The following EPM2A variants were observed in gnomAD, a reference collection of about 807,000 sequenced individuals.
EPM2A encodes the protein laforin.
EPM2A carries 21 observed loss-of-function variants against 26.5 expected under a neutral mutation model. The ratio of observed to expected loss-of-function variants is 0.79; its 90% confidence interval spans 0.56 to 1.14. The LOEUF is 1.14. Ranked by LOEUF, EPM2A falls within the 50% of genes most tolerant of loss-of-function variation. The pLI is 0.00. For synonymous variants in EPM2A, 217 were observed against 177.6 expected, an observed-to-expected ratio of 1.22 and a Z score of -1.76; for missense variants, 458 against 440.8, an observed-to-expected ratio of 1.04 and a Z score of -0.35.
chr6:145,584,082 C>T (rs1328162655), intron 2 of EPM2A, among the ~76,000 whole-genome samples: 1 of 152,180 alleles, frequency 6.6e-6, no homozygotes, highest in Non-Finnish European at 1.5e-5. Flanking sequence ...CACACATGTC[C>T]TATCAGTGAA....
chr6:145,701,141 A>G (rs1461706028), intron 1 of EPM2A, among the ~76,000 whole-genome samples: 1 of 152,354 alleles, frequency 6.6e-6, no homozygotes. Flanking sequence ...CAATTAGATT[A>G]TCCTAAAATT....
intron 1 of EPM2A, among the ~76,000 whole-genome samples, chr6:145,700,245 T>C (rs1781836221): frequency 6.6e-6 from 1 of 152,178 alleles, no homozygotes. Flanking sequence ...ATGTTTATTT[T>C]TGTGTTTAAT....
At chr6:145,392,052 G>A (rs961682656) in intron 4 of EPM2A, among the ~76,000 whole-genome samples, 8 of 152,156 alleles carry the variant, frequency 5.3e-5, no homozygotes, top group African/African-American at 1.9e-4. Flanking sequence ...AACCCTGGTG[G>A]CTTACATGTT....
intron 2 of EPM2A, among the ~76,000 whole-genome samples, chr6:145,559,987 C>T (rs940129337): frequency 3.9e-5 from 6 of 152,026 alleles, no homozygotes; most frequent in Admixed American, 2.0e-4. Flanking sequence ...TACCATAAGC[C>T]GTTGAAGTTG....
At chr6:145,613,056 G>T (rs776738033) in intron 2 of EPM2A, among the ~76,000 whole-genome samples, 106 of 152,200 alleles carry the variant, frequency 7.0e-4, no homozygotes, top group Non-Finnish European at 4.0e-4. Flanking sequence ...TTTACCCAAA[G>T]CAGAACTTAA....
chr6:145,735,214 T>TA lies in EPM2A; in HGVS notation c.284_285insT (p.Glu96ArgfsTer12). 6.5e-7 allele frequency: 1 copy of TA among 1,528,386 alleles called. No homozygotes were observed. The highest frequency in any genetic ancestry group is 8.8e-7 in the Non-Finnish European group (1 of 1,135,826). 94.7% of individuals were successfully genotyped at this position (1,528,386 alleles called of 1,614,324 possible). A position where few individuals can be genotyped will look rare whatever the true frequency, so the allele number is the denominator to read the frequency against. On this transcript the variant is annotated frameshift_variant, in exon 1 of 4. Coordinates refer to ENST00000367519, the MANE Select transcript of EPM2A (RefSeq NM_005670.4). LOFTEE classifies it high-confidence loss of function. Reference sequence around the variant, plus strand: ...TGGCAATACCTTCCCAGGAGAGCTCTCCTCCCGGCTCCCGCTTCAGGAACT... The same window carrying TA: ...TGGCAATACCTTCCCAGGAGAGCTCTACCTCCCGGCTCCCGCTTCAGGAACT...
intron 2 of EPM2A, among the ~76,000 whole-genome samples, chr6:145,676,158 A>G (rs1430452556): frequency 6.6e-6 from 1 of 152,198 alleles, no homozygotes; most frequent in Non-Finnish European, 1.5e-5. Context: ...AAACTGAACA[A>G]CCTGCTCCTG....
Position 145,626,100 on chromosome 6 carries a change from C to T in EPM2A, c.*1316G>A. The T allele has an allele frequency of 9.4e-7, 1 of 1,063,604 alleles. No individual in the cohort carries two copies. The highest frequency in any genetic ancestry group is 1.1e-6 in the Non-Finnish European group (1 of 877,734). 65.9% of individuals were successfully genotyped at this position (1,063,604 alleles called of 1,614,324 possible). ...TAAACTGGATATGATTATATATCACCTTGCACATAGAGGCTCTCAATTAAA... is the reference window on the plus strand; with the variant it reads ...TAAACTGGATATGATTATATATCACTTTGCACATAGAGGCTCTCAATTAAA... On this transcript the variant is annotated 3_prime_UTR_variant, in exon 4 of 4. Coordinates refer to ENST00000367519, the MANE Select transcript of EPM2A (RefSeq NM_005670.4).
At chr6:145,592,542 C>T (rs1044548037) in intron 2 of EPM2A, among the ~76,000 whole-genome samples, 8 of 152,118 alleles carry the variant, frequency 5.3e-5, no homozygotes, top group East Asian at 1.9e-4. Context: ...GGGATGGCTG[C>T]GTCAAATGGT....
At chr6:145,503,931 A>G (rs1779932673) in intron 2 of EPM2A, among the ~76,000 whole-genome samples, 1 of 49,102 alleles carries the variant, frequency 2.0e-5, no homozygotes, top group African/African-American at 8.0e-5. Flanking sequence ...GCCCTCAGAA[A>G]TAACGCCGCA....
intron 4 of EPM2A, among the ~76,000 whole-genome samples, chr6:145,462,935 G>A (rs978869969): frequency 2.0e-5 from 3 of 152,158 alleles, no homozygotes; most frequent in South Asian, 2.1e-4. Context: ...ATTTCTTTCC[G>A]AATATTAAAA....
At chr6:145,619,543 C>A (rs1472388360) in intron 2 of EPM2A, among the ~76,000 whole-genome samples, 2 of 152,162 alleles carry the variant, frequency 1.3e-5, no homozygotes, top group African/African-American at 4.8e-5. Context: ...GAGAGCTGGG[C>A]ACTCATAAGC....
chr6:145,491,856 C>A (rs1779759621), intron 4 of EPM2A: 4 of 516,210 alleles, frequency 7.7e-6, no homozygotes, highest in South Asian at 1.5e-5. Context: ...TACAAAAGGT[C>A]ATTTTACCAA....
In EPM2A at chr6:145,419,183, C is replaced by A. The variant is rs951774938; in HGVS notation, c.556-35086G>T. On this transcript the variant is annotated intron_variant, in intron 4 of 4. Coordinates refer to the EPM2A transcript ENST00000638717. Reference sequence around the variant, plus strand: ...CCCAAGCAAATTCTGTTAAATGTCCCCCCCCCCCGCTCCTTTCCCCAGCAG... The same window carrying A: ...CCCAAGCAAATTCTGTTAAATGTCCACCCCCCCCGCTCCTTTCCCCAGCAG... 6.3e-4 allele frequency among the ~76,000 whole-genome samples: 92 copies of A among 146,790 alleles called. 5 individuals carry two copies. Among genetic ancestry groups the A allele is most frequent in the Admixed American group, 1.1e-3 (16 of 14,738 alleles).
At chr6:145,401,153 C>G (rs1236207880) in intron 4 of EPM2A, among the ~76,000 whole-genome samples, 2 of 151,786 alleles carry the variant, frequency 1.3e-5, no homozygotes, top group African/African-American at 4.8e-5. Flanking sequence ...TACAATCAAG[C>G]CTATGAAAAC....
intron 4 of EPM2A, among the ~76,000 whole-genome samples, chr6:145,397,673 A>G (rs1778424159): frequency 6.6e-6 from 1 of 152,170 alleles, no homozygotes; most frequent in African/African-American, 2.4e-5. Context: ...CATATACTGG[A>G]AAATACATCA....
intron 2 of EPM2A, among the ~76,000 whole-genome samples, chr6:145,517,865 G>T (rs971870096): frequency 1.3e-5 from 2 of 152,064 alleles, no homozygotes; most frequent in African/African-American, 4.8e-5. Context: ...AATATCACGT[G>T]CTACATTACC....
chr6:145,545,000 C>T (rs1176066830), intron 2 of EPM2A, among the ~76,000 whole-genome samples: 2 of 152,160 alleles, frequency 1.3e-5, no homozygotes, highest in Non-Finnish European at 2.9e-5. Context: ...AAAATACCAT[C>T]TTGGCATTGC....
chr6:145,434,089 A>G (rs1003492838), intron 4 of EPM2A, among the ~76,000 whole-genome samples: 7 of 151,702 alleles, frequency 4.6e-5, no homozygotes, highest in African/African-American at 1.7e-4. Context: ...TGAATTCTAG[A>G]TTGACAGTTT....
Sources: gnomAD v4.1 joint callset for allele counts (sites outside exome capture counted in the v4.1 genomes callset) on GRCh38, gnomAD v4.1.1 for gene constraint, MANE v1.5 for transcripts, NCBI Gene and HGNC (gene_info 2026-07-23, HGNC 2026-07-21) for gene names.